Variants in IGF2R observed in about 807,000 individuals in gnomAD.
IGF2R encodes the protein insulin like growth factor 2 receptor, also known as cation-independent mannose-6-phosphate receptor.
In IGF2R, 91 loss-of-function variants were observed where a neutral mutation model predicts 270.6. The ratio of observed to expected loss-of-function variants is 0.34; its 90% CI spans 0.28 to 0.40. The LOEUF (loss-of-function observed/expected upper bound fraction) is 0.40. IGF2R is among the 10% of genes least tolerant of loss of function. The pLI is 1.00. For missense variants in IGF2R, 2,805 were observed against 3,188.3 expected, an observed-to-expected ratio of 0.88 and a Z score of 2.90; for synonymous variants, 1,316 against 1,258.9, an observed-to-expected ratio of 1.05 and a Z score of -0.96.
chr6:160,032,423 C>CA (rs1276687613), intron 7 of IGF2R, 128 bp from the exon 8 acceptor site: 8 of 785,278 alleles, frequency 1.0e-5, no homozygotes, highest in Non-Finnish European at 1.0e-5. Flanking sequence ...AATTATGATT[C>CA]AAAAAACAGA....
At chr6:160,063,082 G>C (rs866758469) in intron 26 of IGF2R, among the ~76,000 whole-genome samples, 1 of 148,248 alleles carries the variant, frequency 6.7e-6, no homozygotes, top group Non-Finnish European at 1.5e-5. Flanking sequence ...TCTGTTGCCA[G>C]GCTGGAGTGT....
At chr6:160,093,685 T>C (rs529976513) in intron 44 of IGF2R, 4 of 754,638 alleles carry the variant, frequency 5.3e-6, no homozygotes, top group Admixed American at 3.4e-5. Context: ...TCCAAACCAT[T>C]GAGGATAATG....
At chr6:160,031,898 A>AC (rs998077702) in intron 7 of IGF2R, among the ~76,000 whole-genome samples, 3 of 152,000 alleles carry the variant, frequency 2.0e-5, no homozygotes, top group African/African-American at 7.3e-5. Flanking sequence ...GTGAGCAGGG[A>AC]CCCCATCAGC....
At chr6:159,986,430 G>GTA (rs764032319) in intron 1 of IGF2R, among the ~76,000 whole-genome samples, 4 of 116,832 alleles carry the variant, frequency 3.4e-5, no homozygotes, top group Non-Finnish European at 7.4e-5. Flanking sequence ...GTGTGTGTGT[G>GTA]TTTTTTTTTT....
chr6:159,980,255 G>A lies in IGF2R; in HGVS notation c.149+10860G>A, dbSNP rs374837539. ...AGAAAGAAAGGTACATGGAAGATTC[G>A]ATTGCTTGGATTGCCTTAGGGAACT... On this transcript the variant is annotated intron_variant, in intron 1 of 47. Coordinates refer to ENST00000356956, the MANE Select transcript of IGF2R (RefSeq NM_000876.4). Among the ~76,000 whole-genome samples the A allele has an allele frequency of 1.8e-4, 27 of 151,670 alleles. 1 individual carries two copies. The highest frequency in any genetic ancestry group is 2.4e-4 in the African/African-American group (10 of 41,310).
At position 160,099,428 on chromosome 6, in the gene IGF2R, G is replaced by A. The variant is rs192422149; in HGVS notation, c.6842+2803G>A. 1.6e-3 allele frequency among the ~76,000 whole-genome samples: 242 copies of A among 152,080 alleles called. 1 individual carries two copies. Among genetic ancestry groups the A allele is most frequent in the Middle Eastern group, 6.8e-3 (2 of 294 alleles). ...CTCGCCCAGGCTGGAGTGCAGTGGC[G>A]CGATCTCGGCTCACTGCAAGCTCTG... On this transcript the variant is annotated intron_variant, in intron 45 of 47. Coordinates refer to ENST00000356956, the MANE Select transcript of IGF2R (RefSeq NM_000876.4).
chr6:160,027,574 C>T (rs1777589626), intron 6 of IGF2R, among the ~76,000 whole-genome samples: 1 of 152,338 alleles, frequency 6.6e-6, no homozygotes, highest in African/African-American at 2.4e-5. Context: ...CTGTATTTGC[C>T]TCATGAAATA....
intron 41 of IGF2R, among the ~76,000 whole-genome samples, chr6:160,086,823 A>G (rs1464188360): frequency 6.6e-6 from 1 of 152,146 alleles, no homozygotes; most frequent in African/African-American, 2.4e-5. Context: ...ACACTCGGGA[A>G]GTGAGCACTG....
chr6:160,007,970 A>G (rs1247964526), intron 2 of IGF2R, among the ~76,000 whole-genome samples: 2 of 152,238 alleles, frequency 1.3e-5, no homozygotes, highest in Non-Finnish European at 2.9e-5. Flanking sequence ...CCATTTAGAC[A>G]GGGGTGTCCA....
At chr6:159,984,993 A>G (rs551580886) in intron 1 of IGF2R, among the ~76,000 whole-genome samples, 1 of 152,362 alleles carries the variant, frequency 6.6e-6, no homozygotes, top group South Asian at 2.1e-4. Context: ...CCGAAACCGT[A>G]TTCCTGGTTC....
chr6:160,000,743 T>TTC (rs1784116282), intron 2 of IGF2R, among the ~76,000 whole-genome samples: 1 of 144,474 alleles, frequency 6.9e-6, no homozygotes, highest in East Asian at 2.0e-4. Context: ...TTTTTTTTTT[T>TTC]TTTTTTTTTT....
At chr6:159,991,436 AATC>A in intron 2 of IGF2R, 113 bp downstream of exon 2, 1 of 851,888 alleles carries the variant, frequency 1.2e-6, no homozygotes, top group Non-Finnish European at 1.8e-6. Context: ...AATGTTTAGA[AATC>A]ATAAGTGTTT....
chr6:160,023,987 G>A (rs1383164643), intron 4 of IGF2R, among the ~76,000 whole-genome samples: 3 of 152,160 alleles, frequency 2.0e-5, no homozygotes, highest in Non-Finnish European at 2.9e-5. Flanking sequence ...CAGGAGAAGG[G>A]GTTTCATGAG....
chr6:160,078,923 C>T (rs563504009), intron 37 of IGF2R, among the ~76,000 whole-genome samples: 21 of 152,218 alleles, frequency 1.4e-4, no homozygotes, highest in African/African-American at 3.1e-4. Flanking sequence ...GATGTGGTGT[C>T]GTGGTCACTG....
In IGF2R at chr6:160,072,797, A is replaced by C; in HGVS notation, c.4603A>C (p.Arg1535=). 6.2e-7 allele frequency: 1 copy of C among 1,614,218 alleles called. No individual in the cohort carries two copies. The change falls in exon 33 of 48, where the codon AGG becomes CGG. Residue 1535 remains arginine (R), a synonymous_variant. Transcript: ENST00000356956. ...GTTTGATCTGAGCTCCTTAAGTGGC[A>C]GGGCGGGATTCACAGCTGCTTACAG... ...HLFDLSSLSG[R]AGFTAAYSEK...
At chr6:159,975,639 A>G (rs1020577964) in intron 1 of IGF2R, among the ~76,000 whole-genome samples, 32 of 150,202 alleles carry the variant, frequency 2.1e-4, no homozygotes, top group African/African-American at 7.6e-4. Flanking sequence ...GTTGGCAGCC[A>G]GAAACCAGAT....
intron 1 of IGF2R, among the ~76,000 whole-genome samples, chr6:159,983,894 C>G (rs548708311): frequency 6.6e-6 from 1 of 152,066 alleles, no homozygotes; most frequent in African/African-American, 2.4e-5. Context: ...CCATGGAAAC[C>G]AGTTGGGTAT....
At chr6:159,989,264 G>A (rs1783939869) in intron 1 of IGF2R, among the ~76,000 whole-genome samples, 1 of 152,166 alleles carries the variant, frequency 6.6e-6, no homozygotes, top group South Asian at 2.1e-4. Flanking sequence ...CACCAGGGCT[G>A]CTCTTTCTCC....
chr6:160,103,758 A>G lies in IGF2R; in HGVS notation c.7008A>G (p.Ile2336Met), dbSNP rs775863052. 4 of 1,609,142 alleles carry G rather than the reference A, an allele frequency of 2.5e-6. No individual in the cohort carries two copies. The East Asian group carries it at 6.7e-5, about 27-fold the overall frequency. ...LYKKERRETVISKLTTCCRRS... is the reference protein window; with the variant it reads ...LYKKERRETVMSKLTTCCRRS... ...TTTTTTTTTATAGGGAAACAGTGAT[A>G]AGTAAGCTGACCACTTGCTGTAGGA... Residue 2336 changes from isoleucine (I) to methionine (M), a missense_variant, in exon 47 of 48, where the codon ATA (isoleucine) becomes ATG (methionine). Around this residue, in one of 2 missense-constraint regions of IGF2R, gnomAD observed 1,851 missense variants for 2,207.2 expected, o/e 0.84. Coordinates refer to ENST00000356956, the MANE Select transcript of IGF2R (RefSeq NM_000876.4).
Sources: gnomAD v4.1 joint callset for allele counts (sites outside exome capture counted in the v4.1 genomes callset) on GRCh38, gnomAD v4.1.1 for gene constraint, gnomAD v4.1.1 regional missense constraint, MANE v1.5 for transcripts, NCBI Gene and HGNC (gene_info 2026-07-23, HGNC 2026-07-21) for gene names.